SEMA3D: variants seen among roughly 807,000 people sequenced by gnomAD.
SEMA3D encodes semaphorin 3D.
In SEMA3D, 84 loss-of-function variants were observed where a neutral mutation model predicts 100.1. That is an observed-to-expected ratio of 0.84 (90% CI 0.70 to 1.01). The LOEUF (loss-of-function observed/expected upper bound fraction) is 1.01. SEMA3D is among the 50% of genes least tolerant of loss of function. The pLI is 0.00. For synonymous variants in SEMA3D, 312 were observed against 320.7 expected (o/e 0.97, Z 0.29); for missense variants, 875 against 934.1 (o/e 0.94, Z 0.82).
chr7:85,047,169 A>T lies in SEMA3D; in HGVS notation c.862-4884T>A, dbSNP rs56385102. Among the ~76,000 whole-genome samples the T allele has an allele frequency of 2.2e-3, 339 of 151,978 alleles. 1 individual carries two copies. Among genetic ancestry groups the T allele is most frequent in the African/African-American group, 7.5e-3 (313 of 41,516 alleles). ...ATGATTAATTAAAAAAAGAAAAAAA[A>T]ATTAAAGACAAAACAAACCACAATT... is the stretch of plus-strand genomic sequence containing the variant. On this transcript the variant is annotated intron_variant, in intron 9 of 18. Transcript: ENST00000284136.
chr7:85,140,769 A>G (rs1790024087), intron 2 of SEMA3D: 3 of 971,236 alleles, frequency 3.1e-6, no homozygotes, highest in Non-Finnish European at 3.7e-6. Context: ...GAATGAATTA[A>G]TGTATATTTT....
chr7:85,193,875 G>GA, the SEMA3D span, among the ~76,000 whole-genome samples: 236 of 140,552 alleles, frequency 1.7e-3, no homozygotes, highest in South Asian at 2.9e-3. Context: ...CATACTAAAG[G>GA]AAAAAAAAAA....
chr7:85,168,818 G>GAAAGAAAGAAAGA (rs1266120369), intron 1 of SEMA3D, among the ~76,000 whole-genome samples: 5 of 64,108 alleles, frequency 7.8e-5, no homozygotes, highest in East Asian at 4.0e-4. Flanking sequence ...AAGAAAGAAA[G>GAAAGAAAGAAAGA]ATGAAAGAAA....
At chr7:85,187,680 T>C (rs2534872), upstream of SEMA3D, among the ~76,000 whole-genome samples, 28,305 of 152,104 alleles carry the variant, frequency 0.19, 2,804 homozygotes, top group Non-Finnish European at 0.23. Context: ...AGTAGGAACT[T>C]AGAAGTATAT....
At chr7:85,067,206 AG>A (rs1039297094) in intron 7 of SEMA3D, among the ~76,000 whole-genome samples, 5 of 152,164 alleles carry the variant, frequency 3.3e-5, no homozygotes, top group Admixed American at 1.3e-4. Flanking sequence ...CTGAATATCC[AG>A]GCTTTCGAAC....
rs373944066 is a variant in SEMA3D at position 85,037,078 on chromosome 7, C to A, written c.1047-45G>T. 18 of 1,585,272 alleles carry A rather than the reference C, an allele frequency of 1.1e-5. No homozygotes were observed. The African/African-American group carries it at 2.3e-4, about 20-fold the overall frequency. On this transcript the variant is annotated intron_variant, in intron 11 of 18. Coordinates refer to ENST00000284136, the MANE Select transcript of SEMA3D (RefSeq NM_001384900.1). ...TCATTCAATCATTCACTGATGAATT[C>A]AATAAACATTGACTGAGCACATACT...
intron 17 of SEMA3D, among the ~76,000 whole-genome samples, chr7:85,009,575 C>A (rs1253858152): frequency 7.4e-6 from 1 of 135,228 alleles, no homozygotes; most frequent in East Asian, 2.1e-4. Context: ...AGGTGTCAAT[C>A]ACTTTTATTT....
chr7:85,138,813 C>T (rs1038196626), intron 2 of SEMA3D, among the ~76,000 whole-genome samples: 2 of 151,426 alleles, frequency 1.3e-5, no homozygotes, highest in Non-Finnish European at 2.9e-5. Flanking sequence ...CCCTCCCCTG[C>T]CCCCTACCTG....
At chr7:85,117,138 G>C (rs1350075689) in intron 3 of SEMA3D, among the ~76,000 whole-genome samples, 1 of 152,120 alleles carries the variant, frequency 6.6e-6, no homozygotes, top group East Asian at 1.9e-4. Flanking sequence ...CTTCCTCTTT[G>C]TTTGTTTAAA....
At position 85,068,238 on chromosome 7, in the gene SEMA3D, A is replaced by T; in HGVS notation, c.542T>A (p.Leu181Gln). The T allele has an allele frequency of 2.5e-6, 4 of 1,609,152 alleles. No individual in the cohort carries two copies. The highest frequency in any genetic ancestry group is 3.4e-6 in the Non-Finnish European group (4 of 1,175,596). ...LDTHNLESGR[L>Q]KCPFDPQQPF... is the part of the protein sequence containing the mutation. ...CTGCTGAGGATCGAAAGGACATTTCAGTCTGCCAGACTCCAAATTATGTGT... is the reference window on the plus strand; with the variant it reads ...CTGCTGAGGATCGAAAGGACATTTCTGTCTGCCAGACTCCAAATTATGTGT... Residue 181 changes from leucine to glutamine, a missense_variant, in exon 7 of 19, where the codon CTG (leucine) becomes CAG (glutamine). Coordinates refer to ENST00000284136, the MANE Select transcript of SEMA3D (RefSeq NM_001384900.1).
the SEMA3D span, among the ~76,000 whole-genome samples, chr7:85,208,571 G>T: frequency 6.6e-6 from 1 of 151,830 alleles, no homozygotes; most frequent in African/African-American, 2.4e-5. Flanking sequence ...CTGCTTATTT[G>T]GTATTTGTCA....
intron 8 of SEMA3D, 129 bp from the exon 9 acceptor site, chr7:85,055,988 G>T: frequency 2.0e-6 from 1 of 489,822 alleles, no homozygotes; most frequent in Non-Finnish European, 3.6e-6. Context: ...CCAGATGTGG[G>T]AAATGAGATG....
the SEMA3D span, among the ~76,000 whole-genome samples, chr7:85,218,073 T>C: frequency 6.6e-6 from 1 of 152,058 alleles, no homozygotes; most frequent in African/African-American, 2.4e-5. Flanking sequence ...GCCAGGAGTG[T>C]AGGAGTCTCA....
At chr7:85,123,174 G>T (rs948895624) in intron 2 of SEMA3D, among the ~76,000 whole-genome samples, 2 of 152,064 alleles carry the variant, frequency 1.3e-5, no homozygotes, top group East Asian at 3.9e-4. Flanking sequence ...GCTAGAGTCT[G>T]CTTTCTTCAC....
At chr7:85,163,719 T>C (rs1790810510) in intron 1 of SEMA3D, among the ~76,000 whole-genome samples, 1 of 152,154 alleles carries the variant, frequency 6.6e-6, no homozygotes, top group South Asian at 2.1e-4. Flanking sequence ...AATCCAGCTT[T>C]AATCATTTAA....
chr7:85,049,548 C>T lies in SEMA3D; in HGVS notation c.861+6169G>A, dbSNP rs371412730. 1.5e-4 allele frequency among the ~76,000 whole-genome samples: 23 copies of T among 151,622 alleles called. 1 individual carries two copies. In the East Asian group the frequency reaches 3.7e-3, roughly 24 times the overall value. ...TGTAGCAAACAGTATAAACCCCTTC[C>T]TAGGAATTTCTCAGACAGGAAAACA... On this transcript the variant is annotated intron_variant, in intron 9 of 18. Transcript: ENST00000284136.
At chr7:85,053,788 C>A (rs1006154122) in intron 9 of SEMA3D, among the ~76,000 whole-genome samples, 2 of 152,008 alleles carry the variant, frequency 1.3e-5, no homozygotes, top group Non-Finnish European at 2.9e-5. Context: ...TGGAGATACA[C>A]TAATTAATGA....
the SEMA3D span, among the ~76,000 whole-genome samples, chr7:85,230,191 TTC>T: frequency 0.13 from 20,222 of 152,142 alleles, 2,938 homozygotes; most frequent in African/African-American, 0.36. Context: ...ACCATGACAT[TTC>T]TCTGTGTCTC....
intron 8 of SEMA3D, among the ~76,000 whole-genome samples, chr7:85,062,061 T>C (rs1169788831): frequency 6.6e-6 from 1 of 152,186 alleles, no homozygotes; most frequent in Non-Finnish European, 1.5e-5. Context: ...AAAGAGCAGA[T>C]TTTGAGCCGA....
Sources: allele counts gnomAD v4.1 joint callset (sites outside exome capture counted in the v4.1 genomes callset), GRCh38; gene constraint gnomAD v4.1.1; transcripts MANE v1.5; gene names NCBI Gene and HGNC (gene_info 2026-07-23, HGNC 2026-07-21).